The following NDUFA7 variants were observed in gnomAD, a reference collection of about 807,000 sequenced individuals.
NDUFA7 encodes NADH:ubiquinone oxidoreductase subunit A7.
Under a neutral mutation model 14.2 loss-of-function variants are expected in NDUFA7, and 18 were observed. That is an observed-to-expected ratio of 1.27 (90% confidence interval 0.88 to 1.88). NDUFA7 has a LOEUF of 1.88. Among genes scored for constraint, NDUFA7 ranks in the 40% most tolerant of loss-of-function variants. The pLI is 0.00. For synonymous variants in NDUFA7, 75 were observed against 62.1 expected (o/e 1.21, Z -0.98); for missense variants, 172 against 147.3 (o/e 1.17, Z -0.87).
intron 2 of NDUFA7, 101 bp downstream of exon 2, chr19:8,320,756 G>A (rs1051156146): frequency 3.6e-6 from 5 of 1,404,156 alleles, no homozygotes; most frequent in Non-Finnish European, 5.0e-6. Flanking sequence ...CTGGTGGCAG[G>A]ATGTCAGCCC....
chr19:8,320,517 C>A (rs1970289870), intron 2 of NDUFA7, among the ~76,000 whole-genome samples: 3 of 152,156 alleles, frequency 2.0e-5, no homozygotes, highest in Admixed American at 2.0e-4. Context: ...GTCCCCGCTG[C>A]CACTTTTTAG....
chr19:8,311,465 C>T lies in NDUFA7; in HGVS notation c.*40G>A. ...GGTCACATTCTCCCTGGAGGAAATC[C>T]AAGGAGGCAAAGTAGTCGGGTGGCC... On this transcript the variant is annotated 3_prime_UTR_variant, in exon 4 of 4. Coordinates refer to ENST00000301457, the MANE Select transcript of NDUFA7 (RefSeq NM_005001.5). The T allele has an allele frequency of 6.6e-7, 1 of 1,515,778 alleles. No homozygotes were observed. Among genetic ancestry groups the T allele is most frequent in the Non-Finnish European group, 9.0e-7 (1 of 1,109,664 alleles). 93.9% of individuals were successfully genotyped at this position (1,515,778 alleles called of 1,614,324 possible).
intron 1 of NDUFA7, 125 bp from the exon 2 acceptor site, chr19:8,321,031 G>A (rs1970300380): frequency 1.8e-6 from 2 of 1,139,096 alleles, no homozygotes; most frequent in South Asian, 1.3e-5. Flanking sequence ...TGAACACTCG[G>A]GGAAACGGAT....
intron 2 of NDUFA7, among the ~76,000 whole-genome samples, chr19:8,320,321 C>T (rs181039610): frequency 5.9e-5 from 9 of 152,284 alleles, no homozygotes; most frequent in African/African-American, 1.9e-4. Flanking sequence ...AACAATACTA[C>T]CTGCTGTGTT....
At chr19:8,315,841 C>G (rs1216744104) in intron 3 of NDUFA7, among the ~76,000 whole-genome samples, 2 of 151,750 alleles carry the variant, frequency 1.3e-5, no homozygotes. Flanking sequence ...GAGACTCCAT[C>G]TCAAAACAAA....
At chr19:8,312,902 C>T (rs1290314955) in intron 3 of NDUFA7, among the ~76,000 whole-genome samples, 2 of 152,054 alleles carry the variant, frequency 1.3e-5, no homozygotes, top group African/African-American at 4.8e-5. Context: ...TGGGCTCAAG[C>T]GATCCACCCG....
Position 8,316,600 on chromosome 19 carries a change from G to C in NDUFA7, c.147C>G (p.Leu49=), listed in dbSNP as rs746884067. Residue 49 remains leucine (L), a synonymous_variant, in exon 3 of 4, where the codon CTC becomes CTG. Transcript: ENST00000301457. The stretch of plus-strand genomic sequence containing the variant: ...CGCGAGTGCAATAGTAATTGTTGGA[G>C]AGCTTGTGGCTAGGACCCACAGGGA... ...PKLPVGPSHK[L]SNNYYCTRDG... 11 of 1,614,166 alleles carry C rather than the reference G, an allele frequency of 6.8e-6. No individual in the cohort carries two copies. The South Asian group carries it at 1.2e-4, about 18-fold the overall frequency.
intron 3 of NDUFA7, among the ~76,000 whole-genome samples, chr19:8,312,418 G>A (rs1970189007): frequency 6.6e-6 from 1 of 152,182 alleles, no homozygotes; most frequent in Non-Finnish European, 1.5e-5. Flanking sequence ...TGGGAACAAG[G>A]TATCTTGCCA....
chr19:8,318,978 A>G (rs1367201580), intron 2 of NDUFA7, among the ~76,000 whole-genome samples: 1 of 151,448 alleles, frequency 6.6e-6, no homozygotes, highest in Non-Finnish European at 1.5e-5. Flanking sequence ...CAAAAAAGAA[A>G]AAAAAAAAAA....
intron 2 of NDUFA7, among the ~76,000 whole-genome samples, chr19:8,319,121 G>C (rs138885471): frequency 5.3e-5 from 8 of 151,834 alleles, no homozygotes; most frequent in East Asian, 1.9e-4. Context: ...TCGGGGGTTG[G>C]GGGGGAGAGA....
At chr19:8,312,475 C>T (rs1011331757) in intron 3 of NDUFA7, among the ~76,000 whole-genome samples, 17 of 152,136 alleles carry the variant, frequency 1.1e-4, no homozygotes, top group Non-Finnish European at 1.9e-4. Context: ...CAACAAGGAC[C>T]ACTCCACTGA....
At chr19:8,316,937 C>T (rs761421448) in intron 2 of NDUFA7, 6 of 274,808 alleles carry the variant, frequency 2.2e-5, no homozygotes, top group African/African-American at 4.4e-5. Flanking sequence ...TCCCAAGGCC[C>T]GGGACATGTC....
At chr19:8,317,689 C>T (rs1366279963) in intron 2 of NDUFA7, among the ~76,000 whole-genome samples, 1 of 152,098 alleles carries the variant, frequency 6.6e-6, no homozygotes, top group Non-Finnish European at 1.5e-5. Context: ...GCACTGCAGC[C>T]TGGATGATAT....
chr19:8,317,815 T>A (rs1970253385), intron 2 of NDUFA7, among the ~76,000 whole-genome samples: 1 of 152,084 alleles, frequency 6.6e-6, no homozygotes, highest in African/African-American at 2.4e-5. Context: ...AGGCGCACAC[T>A]ACCACATCTG....
chr19:8,321,207 G>A, intron 1 of NDUFA7, 101 bp downstream of exon 1: 1 of 1,353,302 alleles, frequency 7.4e-7, no homozygotes, highest in Non-Finnish European at 9.9e-7. Context: ...TTCGGGGAGA[G>A]CGAAGGGTCC....
At chr19:8,312,911 C>T (rs1263124041) in intron 3 of NDUFA7, among the ~76,000 whole-genome samples, 2 of 152,120 alleles carry the variant, frequency 1.3e-5, no homozygotes, top group African/African-American at 2.4e-5. Flanking sequence ...GCGATCCACC[C>T]GCCTCGGCCT....
intron 3 of NDUFA7, among the ~76,000 whole-genome samples, chr19:8,311,878 C>A (rs1970182511): frequency 6.6e-6 from 1 of 152,204 alleles, no homozygotes; most frequent in South Asian, 2.1e-4. Context: ...GGGCTCCTCC[C>A]TTCCCACTTT....
downstream of NDUFA7, chr19:8,308,655 T>G (rs939473449): frequency 2.7e-5 from 8 of 294,972 alleles, no homozygotes; most frequent in East Asian, 4.5e-4. Context: ...CCGCATTTCC[T>G]CCCTCATCCC....
At chr19:8,319,953 C>T (rs566443609) in intron 2 of NDUFA7, among the ~76,000 whole-genome samples, 2 of 152,228 alleles carry the variant, frequency 1.3e-5, no homozygotes, top group African/African-American at 4.8e-5. Context: ...TCAAGCGATT[C>T]TCCTGCCTCA....
Sources: allele counts gnomAD v4.1 joint callset (sites outside exome capture counted in the v4.1 genomes callset), GRCh38; gene constraint gnomAD v4.1.1; transcripts MANE v1.5; gene names NCBI Gene and HGNC (gene_info 2026-07-23, HGNC 2026-07-21).